The following ITPR2 variants were observed in gnomAD, a reference collection of about 807,000 sequenced individuals.
ITPR2 encodes inositol 1,4,5-trisphosphate receptor type 2.
ITPR2 carries 207 observed loss-of-function variants against 317.1 expected under a neutral mutation model. That is an observed-to-expected ratio of 0.65 (90% confidence interval 0.58 to 0.73). The LOEUF is 0.73. Among genes scored for constraint, ITPR2 ranks in the 30% least tolerant of loss-of-function variants. The probability of loss-of-function intolerance (pLI) is 0.00; values close to 1 mark genes in which losing one functional copy is unlikely to be tolerated. For missense variants in ITPR2, 2,613 were observed against 3,284.0 expected (o/e 0.80, Z 4.99); for synonymous variants, 1,156 against 1,149.1 (o/e 1.01, Z -0.12).
At chr12:26,396,470 C>T (rs1249174389) in intron 54 of ITPR2, among the ~76,000 whole-genome samples, 2 of 152,076 alleles carry the variant, frequency 1.3e-5, no homozygotes, top group Non-Finnish European at 2.9e-5. Flanking sequence ...CTGTTTTCTC[C>T]CCTCTCTTCC....
At chr12:26,585,330 A>T (rs1945497115) in intron 32 of ITPR2, among the ~76,000 whole-genome samples, 1 of 152,202 alleles carries the variant, frequency 6.6e-6, no homozygotes, top group African/African-American at 2.4e-5. Flanking sequence ...TGACTTTAAC[A>T]TCCATCATAT....
intron 10 of ITPR2, 103 bp downstream of exon 10, chr12:26,695,503 T>C: frequency 2.1e-6 from 2 of 935,544 alleles, no homozygotes; most frequent in Non-Finnish European, 3.4e-6. Context: ...AGAAAATCTC[T>C]CTGAGCCCCT....
chr12:26,408,136 T>C (rs1184151143), intron 52 of ITPR2, among the ~76,000 whole-genome samples: 4 of 152,228 alleles, frequency 2.6e-5, no homozygotes, highest in African/African-American at 9.6e-5. Context: ...TAACTTTTTA[T>C]GTTTCCCTTA....
chr12:26,405,781 A>AACAC (rs1198078282), intron 52 of ITPR2, among the ~76,000 whole-genome samples: 1 of 152,194 alleles, frequency 6.6e-6, no homozygotes. Context: ...AACATGGTGA[A>AACAC]ACACCTTCTC....
intron 2 of ITPR2, among the ~76,000 whole-genome samples, chr12:26,789,853 T>G (rs1474460617): frequency 6.6e-6 from 1 of 152,202 alleles, no homozygotes; most frequent in Non-Finnish European, 1.5e-5. Flanking sequence ...GAGAAGTATA[T>G]AAATAAATAC....
intron 2 of ITPR2, among the ~76,000 whole-genome samples, chr12:26,754,612 A>C (rs1949488267): frequency 6.6e-6 from 1 of 152,196 alleles, no homozygotes; most frequent in Non-Finnish European, 1.5e-5. Context: ...TTTTTGCCTA[A>C]GTTTAGAGAG....
chr12:26,470,102 G>C (rs1275821715), intron 45 of ITPR2, among the ~76,000 whole-genome samples: 1 of 152,064 alleles, frequency 6.6e-6, no homozygotes, highest in Non-Finnish European at 1.5e-5. Flanking sequence ...CTTGAAGATG[G>C]CTAGATTTTG....
chr12:26,683,015 GGCAGTTCTGAT>G (rs1324935943), intron 11 of ITPR2, among the ~76,000 whole-genome samples: 2 of 152,188 alleles, frequency 1.3e-5, no homozygotes, highest in Non-Finnish European at 2.9e-5. Context: ...AGGTTCTCCA[GGCAGTTCTGAT>G]GCATGCTAAA....
chr12:26,581,590 A>C (rs550046669), intron 32 of ITPR2, among the ~76,000 whole-genome samples: 1 of 152,316 alleles, frequency 6.6e-6, no homozygotes, highest in East Asian at 1.9e-4. Context: ...GTAAATTTTT[A>C]AATGAAAGAG....
chr12:26,367,149 C>G (rs924724929), intron 55 of ITPR2, among the ~76,000 whole-genome samples: 2 of 152,032 alleles, frequency 1.3e-5, no homozygotes, highest in African/African-American at 4.8e-5. Context: ...TCTGAAGGGC[C>G]TTTGAGAAAA....
chr12:26,340,420 G>A (rs944697169), intron 55 of ITPR2, 92 bp from the exon 56 acceptor site: 29 of 1,287,996 alleles, frequency 2.3e-5, no homozygotes, highest in Non-Finnish European at 2.8e-5. Flanking sequence ...TTAAACCAAA[G>A]TCTCTTAGCA....
intron 31 of ITPR2, 36 bp from the exon 32 acceptor site, chr12:26,595,626 T>G (rs768401973): frequency 6.7e-7 from 1 of 1,499,172 alleles, no homozygotes; most frequent in Non-Finnish European, 8.9e-7. Flanking sequence ...AAGTTAGTTT[T>G]CTTTATTGAT....
At chr12:26,520,897 A>G (rs1476563840) in intron 37 of ITPR2, among the ~76,000 whole-genome samples, 42 of 152,230 alleles carry the variant, frequency 2.8e-4, no homozygotes, top group Non-Finnish European at 4.4e-5. Flanking sequence ...TTGAAAAATT[A>G]TAGCAGAACA....
intron 37 of ITPR2, 39 bp from the exon 38 acceptor site, chr12:26,495,299 C>G: frequency 8.9e-6 from 10 of 1,126,408 alleles, no homozygotes; most frequent in Non-Finnish European, 1.3e-5. Context: ...GTTCCCTTTT[C>G]TAATAAAAGT....
chr12:26,670,909 C>T (rs1183358789), intron 13 of ITPR2, among the ~76,000 whole-genome samples: 1 of 152,064 alleles, frequency 6.6e-6, no homozygotes, highest in East Asian at 1.9e-4. Context: ...AATGCAGAAG[C>T]CTCAGGAGCC....
chr12:26,402,627 T>G (rs985713524), intron 52 of ITPR2, among the ~76,000 whole-genome samples: 2 of 152,234 alleles, frequency 1.3e-5, no homozygotes, highest in Non-Finnish European at 2.9e-5. Context: ...GAGAACACCC[T>G]GGTCAGGTCA....
intron 2 of ITPR2, among the ~76,000 whole-genome samples, chr12:26,787,104 G>C (rs1950268574): frequency 6.6e-6 from 1 of 152,226 alleles, no homozygotes; most frequent in African/African-American, 2.4e-5. Context: ...TGAGGCACTT[G>C]GTCAGGCACT....
intron 37 of ITPR2, among the ~76,000 whole-genome samples, chr12:26,532,247 A>G (rs1040868488): frequency 6.6e-6 from 1 of 152,264 alleles, no homozygotes; most frequent in Non-Finnish European, 1.5e-5. Context: ...CTTTAGGTAG[A>G]TATTAAAAGC....
intron 10 of ITPR2, among the ~76,000 whole-genome samples, chr12:26,689,867 A>C (rs933286788): frequency 2.0e-5 from 3 of 152,238 alleles, no homozygotes; most frequent in African/African-American, 7.2e-5. Context: ...GGATGTGATA[A>C]TTCTAAAAGA....
Sources: allele counts gnomAD v4.1 joint callset (sites outside exome capture counted in the v4.1 genomes callset), GRCh38; gene constraint gnomAD v4.1.1; transcripts MANE v1.5; gene names NCBI Gene and HGNC (gene_info 2026-07-23, HGNC 2026-07-21).